Variants in ABLIM2 observed in about 807,000 individuals in gnomAD.
ABLIM2 encodes the protein actin binding LIM protein family member 2.
Under a neutral mutation model 97.7 loss-of-function variants are expected in ABLIM2, and 53 were observed. The observed-to-expected ratio is 0.54, with a 90% CI of 0.44 to 0.68. The LOEUF is 0.68. Ranked by LOEUF, ABLIM2 falls within the 30% of genes least tolerant of loss-of-function variation. The pLI is 0.00. For synonymous variants in ABLIM2, 361 were observed against 345.8 expected, an observed-to-expected ratio of 1.04 and a Z score of -0.49; for missense variants, 835 against 867.2, an observed-to-expected ratio of 0.96 and a Z score of 0.47.
Position 7,998,478 on chromosome 4 carries a change from G to A in ABLIM2, c.1619-5551C>T, listed in dbSNP as rs1266978848. Among the ~76,000 whole-genome samples, 3 of 151,884 alleles carry A rather than the reference G, an allele frequency of 2.0e-5. No individual in the cohort carries two copies. Among genetic ancestry groups the A allele is most frequent in the Admixed American group, 6.6e-5 (1 of 15,240 alleles). On this transcript the variant is annotated intron_variant, in intron 16 of 20. Transcript: ENST00000447017. This position sits in a 1 kb window ranked among gnomAD's most constrained non-coding sequence, Gnocchi z 6.4. ...CGGTCTGCCCACCTGGGTCCCTGCCGGTGCTGCCTGTGGGGATAAAATGCC... is the reference window on the plus strand; with the variant it reads ...CGGTCTGCCCACCTGGGTCCCTGCCAGTGCTGCCTGTGGGGATAAAATGCC...
chr4:8,115,922 A>T (rs1288349548), intron 1 of ABLIM2, among the ~76,000 whole-genome samples: 1 of 152,174 alleles, frequency 6.6e-6, no homozygotes, highest in Non-Finnish European at 1.5e-5. Flanking sequence ...ACGAAGCTCA[A>T]ACCACTCCAC....
Position 8,130,798 on chromosome 4 carries a change from T to C in ABLIM2, c.11-24161A>G, listed in dbSNP as rs1849249094. ...GACAGGAATACAAAATCGGTATCAC[T>C]GGGCTGATGTCAAGGCAGCCCCAAG... is the stretch of plus-strand genomic sequence containing the variant. On this transcript the variant is annotated intron_variant, in intron 1 of 20. Transcript: ENST00000447017. The surrounding 1 kb of genome is among the most constrained non-coding windows in gnomAD (Gnocchi z 4.2). 6.6e-6 allele frequency among the ~76,000 whole-genome samples: 1 copy of C among 152,174 alleles called. No individual in the cohort carries two copies. The highest frequency in any genetic ancestry group is 6.5e-5 in the Admixed American group (1 of 15,288).
chr4:8,108,886 T>TC (rs1408611279), intron 1 of ABLIM2, among the ~76,000 whole-genome samples: 8 of 152,250 alleles, frequency 5.3e-5, no homozygotes, highest in Admixed American at 3.3e-4. Flanking sequence ...TGGTCTGGGT[T>TC]CCCATGAAGC....
At chr4:8,084,557 GC>G (rs1234364699) in intron 4 of ABLIM2, among the ~76,000 whole-genome samples, 1 of 152,206 alleles carries the variant, frequency 6.6e-6, no homozygotes, top group Non-Finnish European at 1.5e-5. Flanking sequence ...GGACCCCAAA[GC>G]CCCATTCCTG....
rs1015820792 is a variant in ABLIM2, at chr4:8,046,195, C to T, written c.823-954G>A. ...TTCCGGACCACACCCGCTGTGTCCC[C>T]TGGGCTGATGGTTTTTGTGACTGTC... On this transcript the variant is annotated intron_variant, in intron 8 of 20. Transcript: ENST00000447017. The surrounding 1 kb of genome is among the most constrained non-coding windows in gnomAD (Gnocchi z 4.4). Among the ~76,000 whole-genome samples the T allele has an allele frequency of 3.9e-5, 6 of 152,178 alleles. No individual in the cohort carries two copies. The highest frequency in any genetic ancestry group is 8.8e-5 in the Non-Finnish European group (6 of 68,036).
At position 8,123,980 on chromosome 4, in the gene ABLIM2, A is replaced by G. The variant is rs1445124798; in HGVS notation, c.11-17343T>C. Among the ~76,000 whole-genome samples the G allele has an allele frequency of 6.6e-6, 1 of 152,224 alleles. No homozygotes were observed. The stretch of plus-strand genomic sequence containing the variant: ...TAGAAACCCAAACAGTACATCAAAG[A>G]TGAAGGAAAATTTAAAATCCCCTGC... On this transcript the variant is annotated intron_variant, in intron 1 of 20. Transcript: ENST00000447017. The surrounding 1 kb of genome is among the most constrained non-coding windows in gnomAD (Gnocchi z 6.2).
At chr4:8,041,601 T>TAA (rs1193277449) in intron 9 of ABLIM2, among the ~76,000 whole-genome samples, 162 of 137,578 alleles carry the variant, frequency 1.2e-3, no homozygotes, top group Admixed American at 2.6e-3. Context: ...CCAGTTTGTT[T>TAA]AAAAAAAAAA....
intron 2 of ABLIM2, among the ~76,000 whole-genome samples, chr4:8,099,789 G>T (rs1254719035): frequency 6.6e-6 from 1 of 152,144 alleles, no homozygotes; most frequent in Non-Finnish European, 1.5e-5. Flanking sequence ...AGCTTGCAGT[G>T]ATCCGAGATC....
At chr4:8,084,775 G>A (rs186565395) in intron 4 of ABLIM2, among the ~76,000 whole-genome samples, 2 of 152,268 alleles carry the variant, frequency 1.3e-5, no homozygotes, top group East Asian at 1.9e-4. Context: ...CCAGCCTGCC[G>A]CCCACGCCCC....
chr4:8,145,515 C>T (rs1851652112), intron 1 of ABLIM2, among the ~76,000 whole-genome samples: 1 of 152,104 alleles, frequency 6.6e-6, no homozygotes, highest in African/African-American at 2.4e-5. Flanking sequence ...AAATCAATCA[C>T]TCCCTTTGGA....
chr4:8,049,080 C>T (rs775476226), intron 8 of ABLIM2, among the ~76,000 whole-genome samples: 4 of 152,214 alleles, frequency 2.6e-5, no homozygotes, highest in South Asian at 2.1e-4. Flanking sequence ...CAGCTGGGCC[C>T]GGGCCCCTCT....
At chr4:7,983,116 A>G (rs1413235356) in intron 20 of ABLIM2, 148 bp downstream of exon 20, 1 of 823,812 alleles carries the variant, frequency 1.2e-6, no homozygotes, top group East Asian at 2.7e-5. Flanking sequence ...CCTTTGAGGC[A>G]ATGTGGGCCT....
At chr4:8,047,339 C>T (rs1002031560) in intron 8 of ABLIM2, among the ~76,000 whole-genome samples, 14 of 151,414 alleles carry the variant, frequency 9.2e-5, no homozygotes, top group Non-Finnish European at 1.5e-4. Flanking sequence ...AGCTTGGCAA[C>T]TGCCGCTGCC....
rs999712734 is a variant in ABLIM2, at chr4:8,044,854, G to A, written c.900+310C>T. 1.3e-5 allele frequency among the ~76,000 whole-genome samples: 2 copies of A among 152,224 alleles called. No individual in the cohort carries two copies. Among genetic ancestry groups the A allele is most frequent in the East Asian group, 1.9e-4 (1 of 5,198 alleles). On this transcript the variant is annotated intron_variant, in intron 9 of 20. Transcript: ENST00000447017. This position sits in a 1 kb window ranked among gnomAD's most constrained non-coding sequence, Gnocchi z 4.4. ...GTCTGGCAAGCCCCAACTGTCGGCT[G>A]TTGATGTGACGTGTCTGCACCACTA...
intron 6 of ABLIM2, among the ~76,000 whole-genome samples, chr4:8,062,911 A>G (rs373127186): frequency 1.1e-3 from 170 of 152,308 alleles, no homozygotes; most frequent in South Asian, 9.5e-3. Flanking sequence ...GCTTAAATCC[A>G]GGTGCCCCCA....
At chr4:8,011,427 G>A (rs1400906902) in intron 14 of ABLIM2, among the ~76,000 whole-genome samples, 2 of 152,212 alleles carry the variant, frequency 1.3e-5, no homozygotes, top group African/African-American at 4.8e-5. Context: ...GGAAAAGACA[G>A]GAAACTGGCA....
intron 8 of ABLIM2, among the ~76,000 whole-genome samples, chr4:8,045,573 T>C (rs1032449444): frequency 6.6e-6 from 1 of 152,136 alleles, no homozygotes; most frequent in Non-Finnish European, 1.5e-5. Flanking sequence ...CGCTTAAACC[T>C]GGGAGGCGGT....
chr4:8,066,029 C>T (rs1012706677), intron 6 of ABLIM2, among the ~76,000 whole-genome samples: 9 of 143,472 alleles, frequency 6.3e-5, no homozygotes, highest in East Asian at 2.2e-4. Context: ...GGGCCGGGTG[C>T]GGTGGCTCAT....
intron 20 of ABLIM2, among the ~76,000 whole-genome samples, chr4:7,967,567 T>C (rs1723916704): frequency 2.0e-5 from 3 of 152,146 alleles, no homozygotes; most frequent in African/African-American, 7.2e-5. Flanking sequence ...GCGCGGACAG[T>C]GAGCAAGAAT....
Sources: gnomAD v4.1 joint callset for allele counts (sites outside exome capture counted in the v4.1 genomes callset) on GRCh38, gnomAD v4.1.1 for gene constraint, Gnocchi (gnomAD v3.1) non-coding constraint, MANE v1.5 for transcripts, NCBI Gene and HGNC (gene_info 2026-07-23, HGNC 2026-07-21) for gene names.